DMXL1: variants seen among roughly 807,000 people sequenced by gnomAD.
DMXL1 encodes the protein dmX-like protein 1.
In DMXL1, 99 loss-of-function variants were observed where a neutral mutation model predicts 319.2. The observed-to-expected ratio is 0.31, with a 90% CI of 0.26 to 0.37. DMXL1 has a LOEUF of 0.37. DMXL1 is among the 10% of genes least tolerant of loss of function. DMXL1 has a pLI of 1.00. For synonymous variants in DMXL1, 1,385 were observed against 1,235.2 expected (o/e 1.12, Z -2.54); for missense variants, 3,745 against 3,595.6 (o/e 1.04, Z -1.06).
intron 33 of DMXL1, among the ~76,000 whole-genome samples, chr5:119,205,712 A>G (rs1212047042): frequency 1.3e-5 from 2 of 152,088 alleles, no homozygotes; most frequent in East Asian, 3.8e-4. Flanking sequence ...AGAGAATATG[A>G]AAAGAAAAAT....
intron 19 of DMXL1, among the ~76,000 whole-genome samples, chr5:119,153,149 G>A (rs1419458825): frequency 6.6e-6 from 1 of 151,864 alleles, no homozygotes; most frequent in Non-Finnish European, 1.5e-5. Flanking sequence ...GCTAATTTTT[G>A]TATTTTTAAT....
intron 5 of DMXL1, among the ~76,000 whole-genome samples, chr5:119,111,147 T>TA (rs1341068402): frequency 1.3e-5 from 2 of 149,008 alleles, no homozygotes; most frequent in African/African-American, 5.2e-5. Flanking sequence ...GAAATTAAAT[T>TA]AGAGTCTTTC....
At chr5:119,089,140 A>T (rs979625271) in intron 1 of DMXL1, among the ~76,000 whole-genome samples, 1 of 150,992 alleles carries the variant, frequency 6.6e-6, no homozygotes, top group Non-Finnish European at 1.5e-5. Flanking sequence ...GCTGGCTACA[A>T]TATTTATAGA....
chr5:119,106,337 T>C (rs1172522463), intron 4 of DMXL1, among the ~76,000 whole-genome samples: 2 of 152,158 alleles, frequency 1.3e-5, no homozygotes, highest in East Asian at 1.9e-4. Flanking sequence ...TTGGGAGACA[T>C]AGACTCCCCC....
At chr5:119,189,309 A>T (rs2150368138) in intron 28 of DMXL1, among the ~76,000 whole-genome samples, 1 of 152,288 alleles carries the variant, frequency 6.6e-6, no homozygotes, top group Middle Eastern at 3.4e-3. Context: ...TTACCGAAGA[A>T]TCTCAGAAGG....
chr5:119,240,615 C>A, intron 42 of DMXL1, 144 bp downstream of exon 42: 2 of 588,880 alleles, frequency 3.4e-6, no homozygotes, highest in Non-Finnish European at 5.9e-6. Context: ...GATTTGAAAG[C>A]AAAAAGATGC....
chr5:119,120,353 T>C (rs1316446026), intron 8 of DMXL1, among the ~76,000 whole-genome samples: 2 of 152,250 alleles, frequency 1.3e-5, no homozygotes, highest in Non-Finnish European at 2.9e-5. Flanking sequence ...CATGTAGTAA[T>C]AGCTGAAAGA....
chr5:119,213,306 T>C (rs1341908364), intron 34 of DMXL1, among the ~76,000 whole-genome samples: 4 of 152,174 alleles, frequency 2.6e-5, no homozygotes, highest in African/African-American at 4.8e-5. Flanking sequence ...TATGCAGATA[T>C]TTTCTTCTGC....
intron 1 of DMXL1, among the ~76,000 whole-genome samples, chr5:119,083,533 T>C (rs1186279252): frequency 1.3e-5 from 2 of 152,074 alleles, no homozygotes; most frequent in African/African-American, 4.8e-5. Flanking sequence ...CATACGGTTG[T>C]TCAGTTATTA....
intron 9 of DMXL1, among the ~76,000 whole-genome samples, chr5:119,123,602 T>C (rs1285597475): frequency 6.6e-6 from 1 of 152,140 alleles, no homozygotes; most frequent in Non-Finnish European, 1.5e-5. Flanking sequence ...TATTCAAAAA[T>C]TGATATTTGA....
At chr5:119,188,093 A>C (rs1378139915) in intron 28 of DMXL1, among the ~76,000 whole-genome samples, 2 of 152,216 alleles carry the variant, frequency 1.3e-5, no homozygotes, top group African/African-American at 4.8e-5. Flanking sequence ...TTCTGTCTTT[A>C]AAAACTCTCT....
intron 35 of DMXL1, among the ~76,000 whole-genome samples, chr5:119,219,569 AT>A (rs1472330561): frequency 6.8e-6 from 1 of 147,214 alleles, no homozygotes. Context: ...TAATTAATTA[AT>A]TTATTTATTT....
chr5:119,094,851 C>CTTT (rs745994850), intron 1 of DMXL1, among the ~76,000 whole-genome samples: 5 of 133,936 alleles, frequency 3.7e-5, no homozygotes, highest in East Asian at 2.2e-4. Flanking sequence ...CTTGCACAAT[C>CTTT]TTTTTTTTTT....
chr5:119,089,292 ATTTT>A (rs1157921856), intron 1 of DMXL1, among the ~76,000 whole-genome samples: 138 of 39,880 alleles, frequency 3.5e-3, no homozygotes, highest in African/African-American at 0.011. Flanking sequence ...ATATATATAT[ATTTT>A]TTTTTTTTTT....
chr5:119,102,117 G>T, intron 3 of DMXL1, 111 bp downstream of exon 3: 1 of 549,094 alleles, frequency 1.8e-6, no homozygotes, highest in Non-Finnish European at 3.2e-6. Flanking sequence ...TACTGTAATT[G>T]AACCTACATG....
chr5:119,227,983 A>T (rs1785912057), intron 38 of DMXL1, among the ~76,000 whole-genome samples: 1 of 152,216 alleles, frequency 6.6e-6, no homozygotes, highest in South Asian at 2.1e-4. Flanking sequence ...TGAATAGCTT[A>T]AGAGAAAAGA....
At chr5:119,219,568 A>G (rs10059909) in intron 35 of DMXL1, among the ~76,000 whole-genome samples, 1 of 150,476 alleles carries the variant, frequency 6.6e-6, no homozygotes, top group Non-Finnish European at 1.5e-5. Context: ...TTAATTAATT[A>G]ATTTATTTAT....
At chr5:119,143,685 A>G (rs958432518) in intron 13 of DMXL1, among the ~76,000 whole-genome samples, 156 bp from the exon 14 acceptor site, 1 of 151,970 alleles carries the variant, frequency 6.6e-6, no homozygotes, top group Non-Finnish European at 1.5e-5. Context: ...AATTCCTATA[A>G]AGACTAAAGA....
intron 9 of DMXL1, among the ~76,000 whole-genome samples, 175 bp downstream of exon 9, chr5:119,121,314 G>C (rs1249667584): frequency 1.4e-5 from 2 of 145,624 alleles, no homozygotes; most frequent in Non-Finnish European, 3.0e-5. Flanking sequence ...GATCATTCTT[G>C]GGTGTTTCTT....
Sources: allele counts gnomAD v4.1 joint callset (sites outside exome capture counted in the v4.1 genomes callset), GRCh38; gene constraint gnomAD v4.1.1; transcripts MANE v1.5; gene names NCBI Gene and HGNC (gene_info 2026-07-23, HGNC 2026-07-21).